PRLHR: variants seen among roughly 807,000 people sequenced by gnomAD.
PRLHR encodes prolactin releasing hormone receptor.
In PRLHR, 10 loss-of-function variants were observed where a neutral mutation model predicts 9.3. The ratio of observed to expected loss-of-function variants is 1.08; its 90% confidence interval spans 0.66 to 1.82. PRLHR has a LOEUF of 1.82. PRLHR is among the 40% of genes most tolerant of loss of function. The pLI is 0.00. For synonymous variants in PRLHR, 261 were observed against 249.3 expected, an observed-to-expected ratio of 1.05 and a Z score of -0.44; for missense variants, 589 against 512.0, an observed-to-expected ratio of 1.15 and a Z score of -1.45.
rs1197934261 is a variant in PRLHR, at chr10:118,594,923, G to T, written c.322C>A (p.Leu108Ile). 9 of 1,613,490 alleles carry T rather than the reference G, an allele frequency of 5.6e-6. No homozygotes were observed. Among genetic ancestry groups the T allele is most frequent in the Non-Finnish European group, 7.6e-6 (9 of 1,179,912 alleles). ...AGCGGCACGCAGGCGGTGCACATGAGCACGTCGGACAAGGCCAGGTTGCCG... is the reference window on the plus strand; with the variant it reads ...AGCGGCACGCAGGCGGTGCACATGATCACGTCGGACAAGGCCAGGTTGCCG... ...LIGNLALSDV[L>I]MCTACVPLTL... Residue 108 changes from leucine (L) to isoleucine (I), a missense_variant, in exon 2 of 2, where the codon CTC becomes ATC. Transcript: ENST00000239032.
In PRLHR at chr10:118,592,507, T is replaced by A. The variant is rs1402673699; in HGVS notation, c.*1625A>T. 5 of 152,360 alleles carry A rather than the reference T, an allele frequency of 3.3e-5. No individual in the cohort carries two copies. Among genetic ancestry groups the A allele is most frequent in the African/African-American group, 9.7e-5 (4 of 41,418 alleles). 9.4% of individuals were successfully genotyped at this position (152,360 alleles called of 1,614,324 possible). ...TTGCCAGAGGTAACCTCCATACCCA[T>A]CTTTGCCTGCCTTTTCCTTTCTCCC... On this transcript the variant is annotated 3_prime_UTR_variant, in exon 2 of 2. Transcript: ENST00000239032.
In PRLHR at chr10:118,594,206, G is replaced by A. The variant is rs754718370; in HGVS notation, c.1039C>T (p.Arg347Cys). 1.3e-6 allele frequency: 2 copies of A among 1,579,418 alleles called. No individual in the cohort carries two copies. The highest frequency in any genetic ancestry group is 1.7e-6 in the Non-Finnish European group (2 of 1,162,654). The change falls in exon 2 of 2, where the codon CGC (arginine) becomes TGC (cysteine). Residue 347 changes from arginine (R) to cysteine (C), a missense_variant. Transcript: ENST00000239032. The part of the protein sequence containing the change: ...WLHDSFREEL[R>C]KLLVAWPRKI... ...CGGGGCCAAGCGACCAACAGTTTGC[G>A]CAGCTCCTCGCGGAAGCTGTCGTGC...
In PRLHR at chr10:118,594,399, C is replaced by A; in HGVS notation, c.846G>T (p.Val282=). The A allele has an allele frequency of 6.3e-7, 1 of 1,599,478 alleles. No homozygotes were observed. Among genetic ancestry groups the A allele is most frequent in the Non-Finnish European group, 8.5e-7 (1 of 1,179,130 alleles). The part of the protein sequence containing the change: ...RRRRTFCLLV[V]IVVVFAVCWL... ...AGCAGACGGCGAACACCACCACGATCACCACCAGCAAGCAGAAGGTGCGCC... is the reference window on the plus strand; with the variant it reads ...AGCAGACGGCGAACACCACCACGATAACCACCAGCAAGCAGAAGGTGCGCC... Residue 282 remains valine, a synonymous_variant, in exon 2 of 2, where the codon GTG becomes GTT. Coordinates refer to ENST00000239032, the MANE Select transcript of PRLHR (RefSeq NM_004248.3).
At position 118,594,792 on chromosome 10, in the gene PRLHR, C is replaced by A; in HGVS notation, c.453G>T (p.Thr151=). The stretch of plus-strand genomic sequence containing the variant: ...AGCGGTCCACTGCGATGGTGGTGAG[C>A]GTGAACACCGACACATAGACGGTGA... ...QPVTVYVSVF[T]LTTIAVDRYV... is the part of the protein sequence containing the mutation. Residue 151 remains threonine (T), a synonymous_variant, in exon 2 of 2, where the codon ACG becomes ACT. Coordinates refer to ENST00000239032, the MANE Select transcript of PRLHR (RefSeq NM_004248.3). The A allele has an allele frequency of 6.2e-7, 1 of 1,612,066 alleles. No homozygotes were observed. Among genetic ancestry groups the A allele is most frequent in the South Asian group, 1.1e-5 (1 of 91,076 alleles).
intron 1 of PRLHR, 93 bp downstream of exon 1, chr10:118,595,423 A>C: frequency 1.8e-6 from 1 of 548,080 alleles, no homozygotes; most frequent in Non-Finnish European, 3.1e-6. Flanking sequence ...AATAAACCTA[A>C]GCACGGTTAG....
At position 118,594,369 on chromosome 10, in the gene PRLHR, C is replaced by T. The variant is rs1228674650; in HGVS notation, c.876G>A (p.Leu292=). The change falls in exon 2 of 2, where the codon CTG becomes CTA. Residue 292 remains leucine, a synonymous_variant. Coordinates refer to ENST00000239032, the MANE Select transcript of PRLHR (RefSeq NM_004248.3). ...GCAGCAGGTTGAAGACGTGCAGCGG[C>T]AGCCAGCAGACGGCGAACACCACCA... The part of the protein sequence containing the change: ...VIVVVFAVCW[L]PLHVFNLLRD... The T allele has an allele frequency of 1.2e-6, 2 of 1,600,206 alleles. No individual in the cohort carries two copies. Among genetic ancestry groups the T allele is most frequent in the Non-Finnish European group, 1.7e-6 (2 of 1,179,628 alleles).
At position 118,593,422 on chromosome 10, in the gene PRLHR, C is replaced by G. The variant is rs1368536858; in HGVS notation, c.*710G>C. 1 of 152,178 alleles carries G rather than the reference C, an allele frequency of 6.6e-6. No individual in the cohort carries two copies. The highest frequency in any genetic ancestry group is 1.5e-5 in the Non-Finnish European group (1 of 68,036). 9.4% of individuals were successfully genotyped at this position (152,178 alleles called of 1,614,324 possible). ...ATTGGACCTTTTCCTCTTTATTTAT[C>G]TATCTCTTCATTGACTAATTCGTCT... is the stretch of plus-strand genomic sequence containing the variant. On this transcript the variant is annotated 3_prime_UTR_variant, in exon 2 of 2. Transcript: ENST00000239032.
In PRLHR at chr10:118,594,140, C is replaced by A. The variant is rs1344538785; in HGVS notation, c.1105G>T (p.Val369Phe). 1 of 1,521,154 alleles carries A rather than the reference C, an allele frequency of 6.6e-7. No individual in the cohort carries two copies. Among genetic ancestry groups the A allele is most frequent in the Non-Finnish European group, 8.8e-7 (1 of 1,132,992 alleles). The allele number at this position is 1,521,154 out of a possible 1,614,324, so 94.2% of individuals were successfully genotyped here. The change falls in exon 2 of 2, where the codon GTC becomes TTC. Residue 369 changes from valine to phenylalanine, a missense_variant. Coordinates refer to ENST00000239032, the MANE Select transcript of PRLHR (RefSeq NM_004248.3). The part of the protein sequence containing the change: ...PHGQNMTVSV[V>F]I ...GGCCTGGCTAAGTGGCATCAGATGA[C>A]CACGCTGACGGTCATATTCTGGCCA...
chr10:118,594,875 G>T lies in PRLHR; in HGVS notation c.370C>A (p.Pro124Thr). 6.2e-7 allele frequency: 1 copy of T among 1,613,346 alleles called. No individual in the cohort carries two copies. The highest frequency in any genetic ancestry group is 8.5e-7 in the Non-Finnish European group (1 of 1,179,880). ...CCGCCGCCGAACACCCAGCCGCGTG[G>T]CTCGAAGGCATAGGCCAGCGTGAGC... ...VPLTLAYAFE[P>T]RGWVFGGGLC... Residue 124 changes from proline to threonine, a missense_variant, in exon 2 of 2, where the codon CCA becomes ACA. Physicochemically the swap from Pro to Thr is conservative, Grantham distance 38. Coordinates refer to ENST00000239032, the MANE Select transcript of PRLHR (RefSeq NM_004248.3).
Position 118,594,832 on chromosome 10 carries a change from A to T in PRLHR, c.413T>A (p.Phe138Tyr), listed in dbSNP as rs1371155710. Residue 138 changes from phenylalanine (F) to tyrosine (Y), a missense_variant, in exon 2 of 2, where the codon TTC becomes TAC. Transcript: ENST00000239032. ...ATAGACGGTGACCGGCTGCAGGAAG[A>T]AGACCAGGTGGCACAGGCCGCCGCC... ...VFGGGLCHLVFFLQPVTVYVS... is the reference protein window; with the variant it reads ...VFGGGLCHLVYFLQPVTVYVS... 1 of 1,613,126 alleles carries T rather than the reference A, an allele frequency of 6.2e-7. No homozygotes were observed. The highest frequency in any genetic ancestry group is 1.3e-5 in the African/African-American group (1 of 75,062).
chr10:118,593,432 A>C lies in PRLHR; in HGVS notation c.*700T>G, dbSNP rs978986694. The C allele has an allele frequency of 6.6e-6, 1 of 152,170 alleles. No individual in the cohort carries two copies. The highest frequency in any genetic ancestry group is 1.5e-5 in the Non-Finnish European group (1 of 68,026). The allele number at this position is 152,170 out of a possible 1,614,324, so 9.4% of individuals were successfully genotyped here. A position where few individuals can be genotyped will look rare whatever the true frequency, so the allele number is the denominator to read the frequency against. ...TTCCTCTTTATTTATCTATCTCTTC[A>C]TTGACTAATTCGTCTCATCATTTTT... On this transcript the variant is annotated 3_prime_UTR_variant, in exon 2 of 2. Transcript: ENST00000239032.
In PRLHR at chr10:118,594,270, C is replaced by T. The variant is rs771886653; in HGVS notation, c.975G>A (p.Met325Ile). 1.2e-6 allele frequency: 2 copies of T among 1,605,518 alleles called. No homozygotes were observed. The highest frequency in any genetic ancestry group is 1.7e-6 in the Non-Finnish European group (2 of 1,176,878). ...TGAAGGGGTTGTAGCAGGCCGAACTCATGGCGAGCCAGTGGCAGAGCAGCT... is the reference window on the plus strand; with the variant it reads ...TGAAGGGGTTGTAGCAGGCCGAACTTATGGCGAGCCAGTGGCAGAGCAGCT... The part of the protein sequence containing the change: ...LVQLLCHWLA[M>I]SSACYNPFIY... Residue 325 changes from methionine to isoleucine, a missense_variant, in exon 2 of 2, where the codon ATG becomes ATA. Transcript: ENST00000239032.
rs966283766 is a variant in PRLHR, at chr10:118,590,221, A to T, written c.*3911T>A. On this transcript the variant is annotated 3_prime_UTR_variant, in exon 2 of 2. Transcript: ENST00000239032. ...TGTGTTCACTCCCAGATCTAGCCAC[A>T]CTCTTGAGGTTAGTTTTGTGCCTTG... The T allele has an allele frequency of 6.6e-6, 1 of 152,086 alleles. No homozygotes were observed. The highest frequency in any genetic ancestry group is 6.5e-5 in the Admixed American group (1 of 15,272). 9.4% of individuals were successfully genotyped at this position (152,086 alleles called of 1,614,324 possible). A position where few individuals can be genotyped will look rare whatever the true frequency, so the allele number is the denominator to read the frequency against.
In PRLHR at chr10:118,593,114, T is replaced by G. The variant is rs918950132; in HGVS notation, c.*1018A>C. 6.6e-6 allele frequency: 1 copy of G among 152,284 alleles called. No homozygotes were observed. The highest frequency in any genetic ancestry group is 6.5e-5 in the Admixed American group (1 of 15,288). 9.4% of individuals were successfully genotyped at this position (152,284 alleles called of 1,614,324 possible). On this transcript the variant is annotated 3_prime_UTR_variant, in exon 2 of 2. Coordinates refer to ENST00000239032, the MANE Select transcript of PRLHR (RefSeq NM_004248.3). ...CTTCTGTTCTGTCCTTAAGTAAACT[T>G]CTGCCGGTCCTTGATTTCTGGGTTG...
In PRLHR at chr10:118,592,520, T is replaced by C. The variant is rs1175532602; in HGVS notation, c.*1612A>G. The C allele has an allele frequency of 6.6e-6, 1 of 152,318 alleles. No homozygotes were observed. The highest frequency in any genetic ancestry group is 1.5e-5 in the Non-Finnish European group (1 of 68,156). The allele number at this position is 152,318 out of a possible 1,614,324, so 9.4% of individuals were successfully genotyped here. On this transcript the variant is annotated 3_prime_UTR_variant, in exon 2 of 2. Transcript: ENST00000239032. ...CCTCCATACCCATCTTTGCCTGCCTTTTCCTTTCTCCCAAGCCAGCCTTTC... is the reference window on the plus strand; with the variant it reads ...CCTCCATACCCATCTTTGCCTGCCTCTTCCTTTCTCCCAAGCCAGCCTTTC...
In PRLHR at chr10:118,594,100, G is replaced by C. The variant is rs776808267; in HGVS notation, c.*32C>G. 1.3e-6 allele frequency: 2 copies of C among 1,508,116 alleles called. No individual in the cohort carries two copies. Among genetic ancestry groups the C allele is most frequent in the Non-Finnish European group, 1.8e-6 (2 of 1,127,632 alleles). The allele number at this position is 1,508,116 out of a possible 1,614,324, so 93.4% of individuals were successfully genotyped here. ...GTGCCCTAGGAGGCCAGTTGAAGTG[G>C]AGCTCCTTGACCAAGGCCTGGCTAA... On this transcript the variant is annotated 3_prime_UTR_variant, in exon 2 of 2. Coordinates refer to ENST00000239032, the MANE Select transcript of PRLHR (RefSeq NM_004248.3).
chr10:118,594,510 G>GT lies in PRLHR; in HGVS notation c.734dup (p.Tyr245Ter). 1 of 1,590,272 alleles carries GT rather than the reference G, an allele frequency of 6.3e-7. No homozygotes were observed. Among genetic ancestry groups the GT allele is most frequent in the Non-Finnish European group, 8.5e-7 (1 of 1,170,320 alleles). ...LLPLLVILLS[Y>*]VRVSVKLRNR... ...TGCGGAGCTTCACTGACACCCGGAC[G>GT]TAAGACAGGAGGATGACCAGCAGAG... is the stretch of plus-strand genomic sequence containing the variant. The change falls in exon 2 of 2, where the codon TAC becomes TAAC. Residue 245 changes from tyrosine (Y) to a stop codon, truncating the protein, a stop_gained and frameshift_variant. Transcript: ENST00000239032. LOFTEE classifies it low-confidence loss of function (END_TRUNC).
At position 118,594,970 on chromosome 10, in the gene PRLHR, T is replaced by A. The variant is rs1373239373; in HGVS notation, c.275A>T (p.His92Leu). 1.9e-6 allele frequency: 3 copies of A among 1,613,624 alleles called. No homozygotes were observed. Among genetic ancestry groups the A allele is most frequent in the Non-Finnish European group, 2.5e-6 (3 of 1,179,896 alleles). The stretch of plus-strand genomic sequence containing the variant: ...GCCGATGAGGAAGTTCGTCACGTTG[T>A]GCAGCCGGCGCACCCGCGCGATCAC... ...VLVIARVRRL[H>L]NVTNFLIGNL... is the part of the protein sequence containing the mutation. Residue 92 changes from histidine to leucine, a missense_variant, in exon 2 of 2, where the codon CAC becomes CTC. Physicochemically the swap from His to Leu is moderately conservative, Grantham distance 99 (BLOSUM62 -3). Coordinates refer to ENST00000239032, the MANE Select transcript of PRLHR (RefSeq NM_004248.3).
At position 118,594,666 on chromosome 10, in the gene PRLHR, G is replaced by A. The variant is rs1281941588; in HGVS notation, c.579C>T (p.Pro193=). 2 of 1,585,038 alleles carry A rather than the reference G, an allele frequency of 1.3e-6. No individual in the cohort carries two copies. The highest frequency in any genetic ancestry group is 1.3e-5 in the African/African-American group (1 of 74,476). The change falls in exon 2 of 2, where the codon CCC becomes CCT. Residue 193 remains proline (P), a synonymous_variant. Transcript: ENST00000239032. ...IWALSAVLAL[P]AAVHTYHVEL... ...CCACGTGATAGGTGTGCACGGCGGC[G>A]GGCAGCGCCAGCACCGCGGACAGCG...
Sources: allele counts gnomAD v4.1 joint callset, GRCh38; gene constraint gnomAD v4.1.1; transcripts MANE v1.5; gene names NCBI Gene and HGNC (gene_info 2026-07-23, HGNC 2026-07-21).